The following PCP4 variants were observed in gnomAD, a reference collection of about 807,000 sequenced individuals.
PCP4 encodes the protein calmodulin regulator protein PCP4.
Under a neutral mutation model 10.0 loss-of-function variants are expected in PCP4, and 8 were observed. The observed-to-expected ratio is 0.80, with a 90% CI of 0.47 to 1.45. The LOEUF (loss-of-function observed/expected upper bound fraction) is 1.45. Among genes scored for constraint, PCP4 ranks in the 40% most tolerant of loss-of-function variants. PCP4 has a pLI of 0.00. For synonymous variants in PCP4, 21 were observed against 23.0 expected (o/e 0.91, Z 0.24); for missense variants, 54 against 74.4 (o/e 0.73, Z 1.01).
intron 1 of PCP4, among the ~76,000 whole-genome samples, chr21:39,879,949 C>A (rs1202567052): frequency 2.0e-5 from 3 of 152,286 alleles, no homozygotes; most frequent in African/African-American, 7.2e-5. Flanking sequence ...TGAGAGTGGT[C>A]CCCCTTGGAC....
At chr21:39,896,856 G>A (rs925042286) in intron 1 of PCP4, among the ~76,000 whole-genome samples, 4 of 152,084 alleles carry the variant, frequency 2.6e-5, no homozygotes, top group African/African-American at 9.7e-5. Context: ...TTGTTTTTAG[G>A]CTAAAGACCT....
intron 2 of PCP4, among the ~76,000 whole-genome samples, chr21:39,916,689 A>G (rs1188536848): frequency 1.3e-5 from 2 of 152,240 alleles, no homozygotes; most frequent in East Asian, 1.9e-4. Flanking sequence ...CACTATTCAC[A>G]ATAGCAGAGA....
At chr21:39,902,763 G>A (rs2087487222) in intron 2 of PCP4, among the ~76,000 whole-genome samples, 1 of 151,944 alleles carries the variant, frequency 6.6e-6, no homozygotes, top group Non-Finnish European at 1.5e-5. Flanking sequence ...AACGTTTCAG[G>A]GCTTGGAGGT....
At position 39,928,969 on chromosome 21, in the gene PCP4, T is replaced by C; in HGVS notation, c.62-15T>C. ...GCTCAGTGATTGCCTTCTGTTTGTG[T>C]TTGTCTTGCTACAGATGGACAGAAG... is the stretch of plus-strand genomic sequence containing the variant. On this transcript the variant is annotated splice_polypyrimidine_tract_variant and intron_variant, in intron 2 of 2. Transcript: ENST00000328619. 6.2e-7 allele frequency: 1 copy of C among 1,609,718 alleles called. No homozygotes were observed. The highest frequency in any genetic ancestry group is 1.1e-5 in the South Asian group (1 of 90,378).
chr21:39,902,663 A>G (rs1400023985), intron 2 of PCP4, among the ~76,000 whole-genome samples: 1 of 152,180 alleles, frequency 6.6e-6, no homozygotes, highest in Non-Finnish European at 1.5e-5. Flanking sequence ...CGATGTTTCT[A>G]CTAGAACTAG....
At chr21:39,891,803 C>T (rs772588486) in intron 1 of PCP4, among the ~76,000 whole-genome samples, 7 of 152,182 alleles carry the variant, frequency 4.6e-5, no homozygotes, top group Admixed American at 3.3e-4. Flanking sequence ...CATAGGTCAG[C>T]GTTTTCTTCT....
At chr21:39,903,590 T>TG (rs1275550538) in intron 2 of PCP4, among the ~76,000 whole-genome samples, 1 of 152,078 alleles carries the variant, frequency 6.6e-6, no homozygotes, top group Admixed American at 6.6e-5. Context: ...TGATTTGGGC[T>TG]GGGCGCGGTG....
intron 1 of PCP4, among the ~76,000 whole-genome samples, chr21:39,886,459 G>A (rs1429992125): frequency 6.6e-6 from 1 of 152,112 alleles, no homozygotes; most frequent in East Asian, 1.9e-4. Context: ...TACAAAATTA[G>A]CTGGGCATGG....
chr21:39,870,499 G>A (rs1294190645), intron 1 of PCP4, among the ~76,000 whole-genome samples: 2 of 152,076 alleles, frequency 1.3e-5, no homozygotes, highest in Admixed American at 6.6e-5. Context: ...CTCCCTCATC[G>A]TACTCACCCA....
At chr21:39,883,461 A>G (rs1021774008) in intron 1 of PCP4, 1 of 152,196 alleles carries the variant, frequency 6.6e-6, no homozygotes, top group Non-Finnish European at 1.5e-5. Context: ...AGAAAAAAAT[A>G]TGAGCTGTGA....
chr21:39,893,622 G>A (rs2087443725), intron 1 of PCP4, among the ~76,000 whole-genome samples: 1 of 152,248 alleles, frequency 6.6e-6, no homozygotes, highest in African/African-American at 2.4e-5. Context: ...CAAGGATGCA[G>A]GCTGTGATTG....
chr21:39,869,858 A>G (rs1443962379), intron 1 of PCP4, among the ~76,000 whole-genome samples: 1 of 152,160 alleles, frequency 6.6e-6, no homozygotes, highest in Non-Finnish European at 1.5e-5. Context: ...TCAGATCATC[A>G]TTTACTTGCA....
Position 39,929,357 on chromosome 21 carries a change from T to C in PCP4, c.*246T>C, listed in dbSNP as rs1489771979. On this transcript the variant is annotated 3_prime_UTR_variant, in exon 3 of 3. Coordinates refer to ENST00000328619, the MANE Select transcript of PCP4 (RefSeq NM_006198.3). ...TTCATTCCTCCTGCAACTATTTTCCTTGATGTTGTAATAAAATGAAGTTAC... is the reference window on the plus strand; with the variant it reads ...TTCATTCCTCCTGCAACTATTTTCCCTGATGTTGTAATAAAATGAAGTTAC... 6.0e-6 allele frequency: 2 copies of C among 331,460 alleles called. No homozygotes were observed. The highest frequency in any genetic ancestry group is 9.6e-5 in the East Asian group (2 of 20,882). The allele number at this position is 331,460 out of a possible 1,614,324, so 20.5% of individuals were successfully genotyped here.
chr21:39,880,934 A>C (rs1215700309), intron 1 of PCP4, among the ~76,000 whole-genome samples: 2 of 152,188 alleles, frequency 1.3e-5, no homozygotes, highest in Admixed American at 1.3e-4. Flanking sequence ...TTGAAACAAA[A>C]TATGGAACAA....
At position 39,880,350 on chromosome 21, in the gene PCP4, T is replaced by C. The variant is rs1226623444; in HGVS notation, c.9+12840T>C. 2.6e-5 allele frequency among the ~76,000 whole-genome samples: 4 copies of C among 152,330 alleles called. No homozygotes were observed. In the East Asian group the frequency reaches 5.8e-4, roughly 22 times the overall value. On this transcript the variant is annotated intron_variant, in intron 1 of 2. Transcript: ENST00000328619. The stretch of plus-strand genomic sequence containing the variant: ...CATGCTTGAATAAGAAACTATTGTG[T>C]TCAAGCATCAGCTTGGCTGGTGCTG...
intron 1 of PCP4, among the ~76,000 whole-genome samples, chr21:39,874,661 C>CTT (rs10640411): frequency 0.6 from 83,640 of 140,102 alleles, 25,714 homozygotes; most frequent in African/African-American, 0.75. Flanking sequence ...TTTTCAAGAT[C>CTT]TTTTTTTTTT....
intron 2 of PCP4, among the ~76,000 whole-genome samples, chr21:39,921,954 A>T (rs2087598607): frequency 6.6e-6 from 1 of 152,240 alleles, no homozygotes. Context: ...AGAATAGATA[A>T]ATGCAAGTGG....
intron 2 of PCP4, among the ~76,000 whole-genome samples, chr21:39,926,855 T>C (rs956748651): frequency 4.6e-5 from 7 of 152,198 alleles, no homozygotes; most frequent in African/African-American, 1.7e-4. Flanking sequence ...TAGAAGACAA[T>C]GTGAATAGCT....
At chr21:39,919,435 A>C (rs8133708) in intron 2 of PCP4, among the ~76,000 whole-genome samples, 4,055 of 152,306 alleles carry the variant, frequency 0.027, 200 homozygotes, top group African/African-American at 0.092. Context: ...TAGCTTGCTA[A>C]AATTTAGGTC....
Sources: gnomAD v4.1 joint callset for allele counts (sites outside exome capture counted in the v4.1 genomes callset) on GRCh38, gnomAD v4.1.1 for gene constraint, MANE v1.5 for transcripts, NCBI Gene and HGNC (gene_info 2026-07-23, HGNC 2026-07-21) for gene names.